Variants in QSOX1 observed in about 807,000 individuals in gnomAD.
QSOX1 encodes the protein quiescin sulfhydryl oxidase 1.
In QSOX1, 40 loss-of-function variants were observed where a neutral mutation model predicts 76.1. The ratio of observed to expected loss-of-function variants is 0.53; its 90% CI spans 0.41 to 0.68. The LOEUF (loss-of-function observed/expected upper bound fraction) is 0.68, where lower values mean the gene tolerates loss of function less well. Among genes scored for constraint, QSOX1 ranks in the 30% least tolerant of loss-of-function variants. The pLI is 0.00. For synonymous variants in QSOX1, 392 were observed against 413.1 expected (o/e 0.95, Z 0.62); for missense variants, 931 against 974.3 (o/e 0.96, Z 0.59).
At chr1:180,193,622 T>TG (rs1663379397) in intron 10 of QSOX1, among the ~76,000 whole-genome samples, 1 of 139,994 alleles carries the variant, frequency 7.1e-6, no homozygotes, top group African/African-American at 2.7e-5. Context: ...GCGGGGAGCC[T>TG]GGTTTCAGTT....
intron 10 of QSOX1, among the ~76,000 whole-genome samples, chr1:180,192,925 A>T (rs1034968672): frequency 6.6e-6 from 1 of 152,120 alleles, no homozygotes; most frequent in Non-Finnish European, 1.5e-5. Context: ...GGGGGAGGCC[A>T]TGGTGATTTC....
intron 1 of QSOX1, 55 bp downstream of exon 1, chr1:180,155,227 C>A: frequency 7.1e-7 from 1 of 1,401,632 alleles, no homozygotes; most frequent in Non-Finnish European, 9.3e-7. Flanking sequence ...ACCCCTCCAC[C>A]TGCCCGGTGG....
At chr1:180,172,017 A>G (rs1438443969) in intron 2 of QSOX1, among the ~76,000 whole-genome samples, 2 of 152,172 alleles carry the variant, frequency 1.3e-5, no homozygotes, top group Non-Finnish European at 2.9e-5. Context: ...AACGGCTTCA[A>G]CTGAGGGTTG....
chr1:180,156,188 T>A (rs1269509971), intron 1 of QSOX1, among the ~76,000 whole-genome samples: 1 of 152,240 alleles, frequency 6.6e-6, no homozygotes, highest in Non-Finnish European at 1.5e-5. Flanking sequence ...TGTCTCATAG[T>A]TTCCTTTCCA....
intron 1 of QSOX1, 142 bp downstream of exon 1, chr1:180,155,314 C>T: frequency 1.3e-6 from 1 of 788,988 alleles, no homozygotes; most frequent in Non-Finnish European, 1.9e-6. Context: ...ATCCCACGCC[C>T]ACCACCTTCA....
chr1:180,180,590 C>T (rs2149237773), intron 5 of QSOX1, among the ~76,000 whole-genome samples: 1 of 152,382 alleles, frequency 6.6e-6, no homozygotes, highest in South Asian at 2.1e-4. Context: ...TCTTGGCTCA[C>T]TGCAAGCTCC....
intron 8 of QSOX1, among the ~76,000 whole-genome samples, chr1:180,186,740 A>G (rs1370649747): frequency 6.6e-6 from 1 of 152,196 alleles, no homozygotes; most frequent in Admixed American, 6.5e-5. Flanking sequence ...TAATCCTTTT[A>G]ACTACTCTGC....
At chr1:180,168,100 T>C (rs897146566) in intron 2 of QSOX1, among the ~76,000 whole-genome samples, 4 of 152,238 alleles carry the variant, frequency 2.6e-5, no homozygotes, top group Non-Finnish European at 5.9e-5. Flanking sequence ...GCCTGACACC[T>C]GAGCTTTCTG....
intron 8 of QSOX1, among the ~76,000 whole-genome samples, chr1:180,187,070 A>C (rs1355303267): frequency 6.6e-6 from 1 of 152,122 alleles, no homozygotes; most frequent in Non-Finnish European, 1.5e-5. Context: ...CACCCTCCTC[A>C]GTGTGGGTCT....
Position 180,176,656 on chromosome 1 carries a change from T to G in QSOX1, c.515+623T>G, listed in dbSNP as rs1235517865. Among the ~76,000 whole-genome samples, 5 of 152,188 alleles carry G rather than the reference T, an allele frequency of 3.3e-5. No individual in the cohort carries two copies. In the East Asian group the frequency reaches 9.6e-4, roughly 29 times the overall value. ...AAGGTGCATGGTCTTGCCCATACTT[T>G]CCCAAAGAAGAGACAGCTAGATTAA... On this transcript the variant is annotated intron_variant, in intron 4 of 11. Coordinates refer to ENST00000367602, the MANE Select transcript of QSOX1 (RefSeq NM_002826.5).
intron 7 of QSOX1, 111 bp from the exon 8 acceptor site, chr1:180,185,942 G>C: frequency 7.6e-7 from 1 of 1,319,084 alleles, no homozygotes. Context: ...AAGACTCTGT[G>C]ACCATCAGCA....
chr1:180,158,704 G>A (rs1662425967), intron 1 of QSOX1, among the ~76,000 whole-genome samples: 2 of 151,898 alleles, frequency 1.3e-5, no homozygotes, highest in Admixed American at 1.3e-4. Flanking sequence ...CAGAGCTGAG[G>A]GTCAGTAGAT....
intron 6 of QSOX1, 96 bp from the exon 7 acceptor site, chr1:180,183,820 C>T (rs944218484): frequency 1.5e-6 from 2 of 1,355,646 alleles, no homozygotes; most frequent in Non-Finnish European, 2.0e-6. Flanking sequence ...ACCTTCCTGT[C>T]CGATGAGCCA....
At chr1:180,187,658 G>A (rs1663208402) in intron 8 of QSOX1, among the ~76,000 whole-genome samples, 1 of 152,268 alleles carries the variant, frequency 6.6e-6, no homozygotes, top group African/African-American at 2.4e-5. Context: ...GAGCTGGGCA[G>A]AGGCATCACC....
chr1:180,168,908 T>C (rs1662699636), intron 2 of QSOX1, among the ~76,000 whole-genome samples: 1 of 152,172 alleles, frequency 6.6e-6, no homozygotes, highest in Non-Finnish European at 1.5e-5. Context: ...TTGCACTCTG[T>C]CCATGAAGAG....
Position 180,198,375 on chromosome 1 carries a change from T to G in QSOX1, c.*1338T>G, listed in dbSNP as rs763681942. ...GGCTTGTTTGTCAGAGCTGCAGGGT[T>G]GGCCACTCGGTGGGGAGGAGTCAGC... is the stretch of plus-strand genomic sequence containing the variant. On this transcript the variant is annotated 3_prime_UTR_variant, in exon 12 of 12. Coordinates refer to ENST00000367602, the MANE Select transcript of QSOX1 (RefSeq NM_002826.5). The G allele has an allele frequency of 6.6e-6, 3 of 456,688 alleles. No individual in the cohort carries two copies. Among genetic ancestry groups the G allele is most frequent in the South Asian group, 4.6e-5 (3 of 64,556 alleles). The allele number at this position is 456,688 out of a possible 1,614,324, so 28.3% of individuals were successfully genotyped here.
chr1:180,163,823 A>C (rs1013809697), intron 1 of QSOX1, among the ~76,000 whole-genome samples: 1 of 152,232 alleles, frequency 6.6e-6, no homozygotes, highest in Non-Finnish European at 1.5e-5. Context: ...ATCCACAGAA[A>C]GAAAAGATCA....
At chr1:180,193,991 G>A (rs1192698188) in intron 10 of QSOX1, among the ~76,000 whole-genome samples, 5 of 152,142 alleles carry the variant, frequency 3.3e-5, no homozygotes, top group Admixed American at 2.6e-4. Flanking sequence ...GGGGATCCAG[G>A]TTTAGGAGTT....
rs377697828 is a variant in QSOX1 at position 180,175,345 on chromosome 1, G to A, written c.391G>A (p.Gly131Ser). ...GTTCTTCAAGGCCTTTACCAAGAAC[G>A]GCTCGGGAGCAGTATTTCCAGGTGG... The part of the protein sequence containing the change: ...VRFFKAFTKN[G>S]SGAVFPVAGA... Residue 131 changes from glycine (G) to serine (S), a missense_variant, in exon 3 of 12, where the codon GGC becomes AGC. Transcript: ENST00000367602. 3.2e-5 allele frequency: 51 copies of A among 1,613,860 alleles called. No individual in the cohort carries two copies. Among genetic ancestry groups the A allele is most frequent in the East Asian group, 4.5e-5 (2 of 44,892 alleles).
Sources: gnomAD v4.1 joint callset for allele counts (sites outside exome capture counted in the v4.1 genomes callset) on GRCh38, gnomAD v4.1.1 for gene constraint, MANE v1.5 for transcripts, NCBI Gene and HGNC (gene_info 2026-07-23, HGNC 2026-07-21) for gene names.